The following SELENOI variants were observed in gnomAD, a reference collection of about 807,000 sequenced individuals.
The protein encoded by SELENOI is ethanolaminephosphotransferase 1.
A neutral mutation model predicts 50.7 loss-of-function variants in SELENOI; 24 were observed. The observed-to-expected ratio is 0.47, with a 90% CI of 0.34 to 0.67. The LOEUF (loss-of-function observed/expected upper bound fraction) is 0.67. SELENOI is among the 30% of genes least tolerant of loss of function. The probability of loss-of-function intolerance (pLI) is 0.01; values close to 1 mark genes in which losing one functional copy is unlikely to be tolerated. For synonymous variants in SELENOI, 155 were observed against 170.2 expected (o/e 0.91, Z 0.70); for missense variants, 352 against 461.4 (o/e 0.76, Z 2.17).
intron 6 of SELENOI, among the ~76,000 whole-genome samples, chr2:26,381,842 A>G (rs1677712009): frequency 6.6e-6 from 1 of 152,220 alleles, no homozygotes; most frequent in East Asian, 1.9e-4. Flanking sequence ...CAGATGTCTT[A>G]GGAATTGTTT....
rs772189501 is a variant in SELENOI at position 26,364,907 on chromosome 2, A to C, written c.202A>C (p.Met68Leu). Residue 68 changes from methionine to leucine, a missense_variant, in exon 3 of 10, where the codon ATG becomes CTG. Physicochemically the swap from Met to Leu is conservative, Grantham distance 15 (BLOSUM62 2). Transcript: ENST00000260585. ...GCTGGTCGTATTCAATTTTCTGCTA[A>C]TGGCATACTTTGATCCTGACTTTTA... is the stretch of plus-strand genomic sequence containing the variant. ...FLLVVFNFLL[M>L]AYFDPDFYAS... 1.2e-6 allele frequency: 2 copies of C among 1,610,312 alleles called. No individual in the cohort carries two copies. Among genetic ancestry groups the C allele is most frequent in the Non-Finnish European group, 1.7e-6 (2 of 1,178,244 alleles).
chr2:26,387,421 T>C (rs1324601305), intron 9 of SELENOI, among the ~76,000 whole-genome samples: 1 of 152,128 alleles, frequency 6.6e-6, no homozygotes, highest in African/African-American at 2.4e-5. Context: ...CTGGGTGTGG[T>C]GGCTCATGCC....
intron 1 of SELENOI, among the ~76,000 whole-genome samples, chr2:26,347,153 CTTG>C (rs1274613403): frequency 2.0e-5 from 3 of 152,272 alleles, no homozygotes; most frequent in South Asian, 2.1e-4. Context: ...ACCCTTCATC[CTTG>C]TTGTTACCCG....
At chr2:26,381,734 C>T (rs1268201819) in intron 6 of SELENOI, among the ~76,000 whole-genome samples, 1 of 152,136 alleles carries the variant, frequency 6.6e-6, no homozygotes, top group Non-Finnish European at 1.5e-5. Context: ...CTAAGTTCGT[C>T]TAATTTGGGG....
chr2:26,369,656 T>C (rs1264631938), intron 4 of SELENOI, among the ~76,000 whole-genome samples: 2 of 152,222 alleles, frequency 1.3e-5, no homozygotes, highest in East Asian at 3.9e-4. Context: ...TCCTGAAACA[T>C]TGCTTTCATT....
chr2:26,379,090 T>C (rs994209579), intron 6 of SELENOI, among the ~76,000 whole-genome samples: 2 of 152,036 alleles, frequency 1.3e-5, no homozygotes, highest in African/African-American at 2.4e-5. Context: ...GCCTGGCCAA[T>C]GTGGTCTCTA....
chr2:26,360,733 G>T (rs939028052), intron 1 of SELENOI, among the ~76,000 whole-genome samples: 3 of 152,130 alleles, frequency 2.0e-5, no homozygotes, highest in Non-Finnish European at 4.4e-5. Context: ...GGTTCTGGGT[G>T]CAGACTTTTG....
At chr2:26,383,132 C>T (rs552021444) in intron 6 of SELENOI, among the ~76,000 whole-genome samples, 167 bp from the exon 7 acceptor site, 1 of 152,130 alleles carries the variant, frequency 6.6e-6, no homozygotes. Flanking sequence ...ATTGTACTGC[C>T]ACTCTTCCTG....
chr2:26,362,900 G>A (rs1001863929), intron 1 of SELENOI, among the ~76,000 whole-genome samples: 2 of 152,160 alleles, frequency 1.3e-5, no homozygotes, highest in African/African-American at 4.8e-5. Context: ...CCTAGTTCAA[G>A]ACTTGTCTGT....
chr2:26,388,035 C>T (rs1255056866), intron 9 of SELENOI, among the ~76,000 whole-genome samples: 4 of 152,102 alleles, frequency 2.6e-5, no homozygotes, highest in African/African-American at 9.7e-5. Flanking sequence ...CAAAGTTGCC[C>T]TCATTTGTTA....
intron 1 of SELENOI, among the ~76,000 whole-genome samples, chr2:26,356,994 TTCTC>T (rs759500828): frequency 6.6e-6 from 1 of 152,116 alleles, no homozygotes; most frequent in Non-Finnish European, 1.5e-5. Context: ...GTCTTTCGTT[TTCTC>T]TCTCTTTTCC....
At chr2:26,371,064 G>A (rs576735909) in intron 4 of SELENOI, among the ~76,000 whole-genome samples, 6 of 138,174 alleles carry the variant, frequency 4.3e-5, no homozygotes, top group African/African-American at 1.1e-4. Flanking sequence ...GGGCAGAGGC[G>A]CCCCTCACCT....
Position 26,381,198 on chromosome 2 carries a change from C to CTTTTTTTTTT in SELENOI, c.683-2079_683-2070dup, listed in dbSNP as rs57102834. ...TGGATTGTATCTCCTTCAGTTTGGT[C>CTTTTTTTTTT]TTTTTTTTTTTTTTTTTTTTTTTTT... is the stretch of plus-strand genomic sequence containing the variant. On this transcript the variant is annotated intron_variant, in intron 6 of 9. Transcript: ENST00000260585. 6.0e-4 allele frequency among the ~76,000 whole-genome samples: 18 copies of CTTTTTTTTTT among 30,196 alleles called. 1 individual carries two copies. The highest frequency in any genetic ancestry group is 1.1e-3 in the African/African-American group (6 of 5,530). The allele number at this position is 30,196 out of a possible 152,430, so 19.8% of individuals were successfully genotyped here. A position where few individuals can be genotyped will look rare whatever the true frequency, so the allele number is the denominator to read the frequency against.
intron 6 of SELENOI, among the ~76,000 whole-genome samples, chr2:26,381,305 T>C (rs1171084598): frequency 6.9e-6 from 1 of 145,716 alleles, no homozygotes; most frequent in East Asian, 2.2e-4. Flanking sequence ...TTGTGCAAGA[T>C]GAAAAGCGGG....
chr2:26,349,076 C>T (rs1676893286), intron 1 of SELENOI, among the ~76,000 whole-genome samples: 2 of 128,226 alleles, frequency 1.6e-5, no homozygotes, highest in South Asian at 2.6e-4. Flanking sequence ...AGTGCAATGG[C>T]GCGATCTCAG....
In SELENOI at chr2:26,364,469, G is replaced by C. The variant is rs371265715; in HGVS notation, c.126+99G>C. 7.4e-4 allele frequency: 566 copies of C among 768,342 alleles called. 2 individuals are homozygous for C. The highest frequency in any genetic ancestry group is 6.0e-3 in the South Asian group (333 of 55,364). The allele number at this position is 768,342 out of a possible 1,614,324, so 47.6% of individuals were successfully genotyped here. A position where few individuals can be genotyped will look rare whatever the true frequency, so the allele number is the denominator to read the frequency against. On this transcript the variant is annotated intron_variant, in intron 2 of 9. Transcript: ENST00000260585. The stretch of plus-strand genomic sequence containing the variant: ...ATAAATGCAACTCTCAGTTTCATAA[G>C]ATATTTAGAGAAACCACCCTTCCCC...
chr2:26,375,212 G>A (rs909336337), intron 6 of SELENOI, 64 bp downstream of exon 6: 1 of 1,061,240 alleles, frequency 9.4e-7, no homozygotes, highest in East Asian at 2.5e-5. Flanking sequence ...GCCGGTATTT[G>A]ACTATAACAA....
At chr2:26,360,804 T>C (rs1463120157) in intron 1 of SELENOI, among the ~76,000 whole-genome samples, 13 of 151,838 alleles carry the variant, frequency 8.6e-5, no homozygotes, top group Non-Finnish European at 1.9e-4. Context: ...GGGTTCATAT[T>C]GGTTCCTGGT....
Position 26,390,886 on chromosome 2 carries a change from G to T in SELENOI, c.*1783G>T, listed in dbSNP as rs1677949319. ...AAACTGGATAAAATGTTAATTGGGG[G>T]TAGGGAAAAAGCTTTGTTTTAAGAT... On this transcript the variant is annotated 3_prime_UTR_variant, in exon 10 of 10. Transcript: ENST00000260585. 1 of 152,140 alleles carries T rather than the reference G, an allele frequency of 6.6e-6. No individual in the cohort carries two copies. Among genetic ancestry groups the T allele is most frequent in the Non-Finnish European group, 1.5e-5 (1 of 68,008 alleles). The allele number at this position is 152,140 out of a possible 1,614,324, so 9.4% of individuals were successfully genotyped here. A position where few individuals can be genotyped will look rare whatever the true frequency, so the allele number is the denominator to read the frequency against.
Sources: gnomAD v4.1 joint callset for allele counts (sites outside exome capture counted in the v4.1 genomes callset) on GRCh38, gnomAD v4.1.1 for gene constraint, MANE v1.5 for transcripts, NCBI Gene and HGNC (gene_info 2026-07-23, HGNC 2026-07-21) for gene names.